Variants in HOOK3 observed in about 807,000 individuals in gnomAD.
HOOK3 encodes the protein hook microtubule tethering protein 3.
A neutral mutation model predicts 116.3 loss-of-function variants in HOOK3; 24 were observed. That is an observed-to-expected ratio of 0.21 (90% CI 0.15 to 0.29). The LOEUF (loss-of-function observed/expected upper bound fraction) is 0.29, where lower values mean the gene tolerates loss of function less well. Among genes scored for constraint, HOOK3 ranks in the 10% least tolerant of loss-of-function variants. The pLI is 1.00. For missense variants in HOOK3, 632 were observed against 830.2 expected, an observed-to-expected ratio of 0.76 and a Z score of 2.93; for synonymous variants, 275 against 283.0, an observed-to-expected ratio of 0.97 and a Z score of 0.28.
intron 1 of HOOK3, chr8:42,897,403 C>T (rs1807027585): frequency 2.8e-6 from 1 of 351,770 alleles, no homozygotes; most frequent in Non-Finnish European, 5.1e-6. Context: ...CGGGGCTGGG[C>T]TGGGAACGCG....
At position 42,992,644 on chromosome 8, in the gene HOOK3, AG is replaced by A. The variant is rs1247750761; in HGVS notation, c.1533-4904del. On this transcript the variant is annotated intron_variant, in intron 15 of 21. Transcript: ENST00000307602. ...GGCAGGAGAATTGCTTGAATGCAGG[AG>A]GTGGAGGTTGTAGTGAGCTGAGATC... 3.0e-5 allele frequency among the ~76,000 whole-genome samples: 4 copies of A among 134,662 alleles called. No homozygotes were observed. The East Asian group carries it at 9.4e-4, about 32-fold the overall frequency. The allele number at this position is 134,662 out of a possible 152,430, so 88.3% of individuals were successfully genotyped here.
intron 17 of HOOK3, among the ~76,000 whole-genome samples, chr8:43,005,195 C>CTA (rs1365303352): frequency 1.6e-4 from 10 of 63,866 alleles, no homozygotes; most frequent in East Asian, 5.4e-4. Flanking sequence ...CTCTCTCTCT[C>CTA]TCTCTATATA....
chr8:42,961,922 GA>G (rs1808540982), intron 8 of HOOK3, among the ~76,000 whole-genome samples: 1 of 152,122 alleles, frequency 6.6e-6, no homozygotes, highest in African/African-American at 2.4e-5. Flanking sequence ...GAGTAGCAGG[GA>G]CTGCAAGCGC....
At chr8:42,978,487 T>C (rs901194656) in intron 13 of HOOK3, among the ~76,000 whole-genome samples, 3 of 151,762 alleles carry the variant, frequency 2.0e-5, no homozygotes, top group Non-Finnish European at 4.4e-5. Flanking sequence ...CTAAGCTCAG[T>C]GTAACCTCCG....
intron 2 of HOOK3, among the ~76,000 whole-genome samples, chr8:42,918,556 T>G (rs1445711354): frequency 3.3e-5 from 5 of 152,138 alleles, no homozygotes; most frequent in Non-Finnish European, 7.4e-5. Context: ...CTGGTTTTCC[T>G]AGGCAGAGGG....
intron 17 of HOOK3, among the ~76,000 whole-genome samples, chr8:43,005,969 A>G (rs1357215301): frequency 1.3e-5 from 2 of 151,568 alleles, no homozygotes; most frequent in Non-Finnish European, 2.9e-5. Context: ...TGCTGGGATT[A>G]CAGGTGTGAG....
intron 14 of HOOK3, among the ~76,000 whole-genome samples, chr8:42,985,495 G>A (rs1020278306): frequency 2.0e-5 from 3 of 152,134 alleles, no homozygotes; most frequent in South Asian, 2.1e-4. Context: ...GTGAGTATAC[G>A]TGCATAGAAT....
intron 3 of HOOK3, 72 bp downstream of exon 3, chr8:42,925,701 C>A: frequency 1.0e-6 from 1 of 972,136 alleles, no homozygotes; most frequent in Non-Finnish European, 1.6e-6. Flanking sequence ...TTTTTTTTGT[C>A]TGATGTGTCC....
Position 43,025,141 on chromosome 8 carries a change from G to A in HOOK3, c.*6643G>A, listed in dbSNP as rs1007417732. 1.4e-5 allele frequency: 3 copies of A among 211,674 alleles called. No individual in the cohort carries two copies. The highest frequency in any genetic ancestry group is 2.9e-5 in the Non-Finnish European group (3 of 104,658). 13.1% of individuals were successfully genotyped at this position (211,674 alleles called of 1,614,324 possible). On this transcript the variant is annotated 3_prime_UTR_variant, in exon 22 of 22. Transcript: ENST00000307602. ...AGAGACCTGTACCTAATTATGGCAA[G>A]TATATGAGTTTTGGTGATTGTGGGG...
chr8:42,985,192 C>T (rs1218786007), intron 14 of HOOK3, among the ~76,000 whole-genome samples: 1 of 152,098 alleles, frequency 6.6e-6, no homozygotes, highest in Non-Finnish European at 1.5e-5. Flanking sequence ...AAAAATGCAC[C>T]TATCTTTTGA....
At chr8:43,000,023 C>T (rs1809349999) in intron 16 of HOOK3, among the ~76,000 whole-genome samples, 1 of 152,094 alleles carries the variant, frequency 6.6e-6, no homozygotes, top group Non-Finnish European at 1.5e-5. Context: ...TGGCGGGTAC[C>T]TGTAGTCCCA....
At chr8:42,940,159 T>C (rs1189548391) in intron 4 of HOOK3, among the ~76,000 whole-genome samples, 1 of 152,192 alleles carries the variant, frequency 6.6e-6, no homozygotes, top group Non-Finnish European at 1.5e-5. Context: ...TGCAGCGAGC[T>C]GAGATCACGC....
intron 5 of HOOK3, among the ~76,000 whole-genome samples, chr8:42,945,997 G>A (rs1808218844): frequency 6.6e-6 from 1 of 151,776 alleles, no homozygotes; most frequent in Admixed American, 6.6e-5. Context: ...GACAACTACT[G>A]ATTTGCATAG....
chr8:42,899,928 A>T (rs1269665471), intron 1 of HOOK3, among the ~76,000 whole-genome samples: 1 of 152,206 alleles, frequency 6.6e-6, no homozygotes, highest in Non-Finnish European at 1.5e-5. Flanking sequence ...ATTTAGTTTG[A>T]GATTGGAGAG....
At chr8:42,927,214 G>C (rs1807781759) in intron 3 of HOOK3, among the ~76,000 whole-genome samples, 1 of 148,944 alleles carries the variant, frequency 6.7e-6, no homozygotes, top group Non-Finnish European at 1.5e-5. Flanking sequence ...TTTTTACTAA[G>C]CTAGTGAATG....
chr8:42,934,211 G>A, intron 4 of HOOK3, among the ~76,000 whole-genome samples: 1 of 151,770 alleles, frequency 6.6e-6, no homozygotes, highest in East Asian at 1.9e-4. Context: ...TCTACTTACT[G>A]AGATGATTAT....
At chr8:43,018,307 G>A in intron 21 of HOOK3, 51 bp from the exon 22 acceptor site, 1 of 1,508,476 alleles carries the variant, frequency 6.6e-7, no homozygotes. Flanking sequence ...CTTTTGTGAA[G>A]TATGTTCCAC....
chr8:42,917,674 G>T (rs760722237), intron 2 of HOOK3, among the ~76,000 whole-genome samples: 12 of 152,174 alleles, frequency 7.9e-5, no homozygotes, highest in Non-Finnish European at 1.6e-4. Flanking sequence ...GTGCCAAGTT[G>T]TGCCTCCAAG....
chr8:42,912,752 C>T (rs551668284), intron 2 of HOOK3, among the ~76,000 whole-genome samples: 11 of 152,298 alleles, frequency 7.2e-5, no homozygotes, highest in African/African-American at 2.6e-4. Context: ...CCAGCACTGG[C>T]ACATCAATAC....
Sources: gnomAD v4.1 joint callset for allele counts (sites outside exome capture counted in the v4.1 genomes callset) on GRCh38, gnomAD v4.1.1 for gene constraint, MANE v1.5 for transcripts, NCBI Gene and HGNC (gene_info 2026-07-23, HGNC 2026-07-21) for gene names.